ZSWIM4: variants seen among roughly 807,000 people sequenced by gnomAD.
The protein encoded by ZSWIM4 is zinc finger SWIM domain-containing protein 4.
In ZSWIM4, 62 loss-of-function variants were observed where a neutral mutation model predicts 102.5. That is an observed-to-expected ratio of 0.60 (90% CI 0.49 to 0.75). The LOEUF (loss-of-function observed/expected upper bound fraction) is 0.75, where lower values mean the gene tolerates loss of function less well. Ranked by LOEUF, ZSWIM4 falls within the 30% of genes least tolerant of loss-of-function variation. ZSWIM4 has a pLI of 0.00. For synonymous variants in ZSWIM4, 652 were observed against 674.5 expected (o/e 0.97, Z 0.52); for missense variants, 1,280 against 1,529.6 (o/e 0.84, Z 2.72).
chr19:13,812,936 C>T (rs572294368), intron 5 of ZSWIM4, 61 bp from the exon 6 acceptor site: 12 of 1,530,730 alleles, frequency 7.8e-6, no homozygotes, highest in South Asian at 4.9e-5. Context: ...GTGGGCACTG[C>T]GGAAGTGTGT....
chr19:13,798,399 C>G (rs1422322015), intron 1 of ZSWIM4, among the ~76,000 whole-genome samples: 1 of 152,154 alleles, frequency 6.6e-6, no homozygotes, highest in Non-Finnish European at 1.5e-5. Flanking sequence ...GCTGCCGCCT[C>G]AGCCTCCCAA....
chr19:13,819,847 G>GT (rs869187893), intron 10 of ZSWIM4, among the ~76,000 whole-genome samples: 159 of 106,642 alleles, frequency 1.5e-3, no homozygotes, highest in South Asian at 2.1e-3. Context: ...TTTGTTTTTT[G>GT]TTTTTTTTTT....
intron 3 of ZSWIM4, 84 bp from the exon 4 acceptor site, chr19:13,808,752 A>AG: frequency 7.4e-7 from 1 of 1,357,052 alleles, no homozygotes; most frequent in Non-Finnish European, 9.7e-7. Flanking sequence ...AAAAAAAAAA[A>AG]AAAAAAAAAG....
intron 9 of ZSWIM4, among the ~76,000 whole-genome samples, chr19:13,818,811 G>A (rs528720392): frequency 3.6e-4 from 54 of 149,946 alleles, no homozygotes; most frequent in Non-Finnish European, 6.6e-4. Flanking sequence ...TGATCTGCCC[G>A]CCTCGGCCTC....
chr19:13,808,299 T>G (rs1390039624), intron 3 of ZSWIM4, among the ~76,000 whole-genome samples: 1 of 151,724 alleles, frequency 6.6e-6, no homozygotes, highest in African/African-American at 2.4e-5. Flanking sequence ...CTAGTCATGT[T>G]TAGGACAAGA....
rs1205982233 is a variant in ZSWIM4, at chr19:13,808,946, T to C, written c.823T>C (p.Tyr275His). The change falls in exon 4 of 14, where the codon TAC (tyrosine) becomes CAC (histidine). Residue 275 changes from tyrosine to histidine, a missense_variant. Transcript: ENST00000590508. ...GCAGCTACTGTCCAATGGCGGCTACTACGGGGCCAGCCAGCAGCTGCGCTC... is the reference window on the plus strand; with the variant it reads ...GCAGCTACTGTCCAATGGCGGCTACCACGGGGCCAGCCAGCAGCTGCGCTC... The part of the protein sequence containing the change: ...VKQLLSNGGY[Y>H]GASQQLRSMF... 5.0e-6 allele frequency: 8 copies of C among 1,609,644 alleles called. No individual in the cohort carries two copies. Among genetic ancestry groups the C allele is most frequent in the Non-Finnish European group, 6.8e-6 (8 of 1,178,250 alleles).
At chr19:13,808,105 A>C in intron 3 of ZSWIM4, among the ~76,000 whole-genome samples, 1 of 152,062 alleles carries the variant, frequency 6.6e-6, no homozygotes, top group East Asian at 1.9e-4. Context: ...TGAGAACTCT[A>C]TCATGAGACA....
chr19:13,798,558 G>A (rs1974670559), intron 1 of ZSWIM4, among the ~76,000 whole-genome samples: 1 of 152,228 alleles, frequency 6.6e-6, no homozygotes, highest in South Asian at 2.1e-4. Flanking sequence ...GGATCCAGGA[G>A]GGAAACCGCA....
At chr19:13,800,760 A>ATG (rs1568326372) in intron 2 of ZSWIM4, among the ~76,000 whole-genome samples, 50 of 151,898 alleles carry the variant, frequency 3.3e-4, no homozygotes, top group Middle Eastern at 3.4e-3. Flanking sequence ...CCCAGGCAGC[A>ATG]GGGTTTAGAC....
chr19:13,821,656 C>T (rs1159440882), intron 10 of ZSWIM4, among the ~76,000 whole-genome samples: 1 of 152,160 alleles, frequency 6.6e-6, no homozygotes, highest in East Asian at 1.9e-4. Context: ...AAAGGATCCT[C>T]CCACCTAAGC....
intron 11 of ZSWIM4, among the ~76,000 whole-genome samples, chr19:13,824,466 G>A (rs1245338804): frequency 1.3e-5 from 2 of 151,826 alleles, no homozygotes; most frequent in South Asian, 2.1e-4. Context: ...GCACAGTGGT[G>A]CACGCCTGTA....
At position 13,830,346 on chromosome 19, in the gene ZSWIM4, C is replaced by T. The variant is rs774671704; in HGVS notation, c.2617C>T (p.Arg873Cys). The T allele has an allele frequency of 9.3e-6, 15 of 1,613,304 alleles. No individual in the cohort carries two copies. The East Asian group carries it at 3.1e-4, about 34-fold the overall frequency. ...SRREELWACA[R>C]TLALQCAMKD... ...GAGGGAGGAGCTCTGGGCCTGCGCC[C>T]GCACCCTGGCCTTGCAGTGCGCGAT... Residue 873 changes from arginine to cysteine, a missense_variant, in exon 14 of 14, where the codon CGC becomes TGC. Physicochemically the swap from Arg to Cys is radical, Grantham distance 180. Transcript: ENST00000590508.
chr19:13,807,448 G>C (rs962003154), intron 3 of ZSWIM4, among the ~76,000 whole-genome samples: 2 of 152,074 alleles, frequency 1.3e-5, no homozygotes, highest in African/African-American at 4.8e-5. Context: ...TGGGTAAATG[G>C]ATGAGTGGAT....
intron 5 of ZSWIM4, among the ~76,000 whole-genome samples, chr19:13,812,292 T>TTTTTG (rs1324117657): frequency 2.0e-5 from 3 of 151,750 alleles, no homozygotes; most frequent in African/African-American, 7.3e-5. Context: ...TTTGTTTTTG[T>TTTTTG]TTTTGTTTTG....
rs1294824434 is a variant in ZSWIM4, at chr19:13,806,662, C to CA, written c.712+1520dup. On this transcript the variant is annotated intron_variant, in intron 3 of 13. Transcript: ENST00000590508. ...CTGATGACAGACTGAGACCCTGACTCAAAAAACAAAAAAAAAAAAAGAAGG... is the reference window on the plus strand; with the variant it reads ...CTGATGACAGACTGAGACCCTGACTCAAAAAAACAAAAAAAAAAAAAGAAGG... Among the ~76,000 whole-genome samples the CA allele has an allele frequency of 8.5e-3, 1,170 of 138,424 alleles. 13 individuals are homozygous for CA. The highest frequency in any genetic ancestry group is 0.031 in the African/African-American group (1,123 of 36,410). 90.8% of individuals were successfully genotyped at this position (138,424 alleles called of 152,430 possible).
At chr19:13,821,430 A>G (rs925568548) in intron 10 of ZSWIM4, among the ~76,000 whole-genome samples, 6 of 152,100 alleles carry the variant, frequency 3.9e-5, no homozygotes, top group Admixed American at 6.6e-5. Flanking sequence ...GCTACTTGGG[A>G]GGCTGAGGAG....
intron 7 of ZSWIM4, among the ~76,000 whole-genome samples, chr19:13,816,124 G>A (rs905279043): frequency 6.6e-6 from 1 of 151,944 alleles, no homozygotes; most frequent in Non-Finnish European, 1.5e-5. Flanking sequence ...ATATGGGGGT[G>A]GGGGACAGGA....
rs377762289 is a variant in ZSWIM4, at chr19:13,809,313, C to A, written c.1012+93C>A. ...AAGATTAGGGTCTGTTCCCTGAATC[C>A]GCCCTCCATTCGTTTGGCAAACATT... On this transcript the variant is annotated intron_variant, in intron 5 of 13. Coordinates refer to ENST00000590508, the MANE Select transcript of ZSWIM4 (RefSeq NM_001367834.3). This position sits in a 1 kb window ranked among gnomAD's most constrained non-coding sequence, Gnocchi z 4.2. The A allele has an allele frequency of 2.7e-6, 4 of 1,465,742 alleles. No homozygotes were observed. Among genetic ancestry groups the A allele is most frequent in the Non-Finnish European group, 3.6e-6 (4 of 1,108,266 alleles). The allele number at this position is 1,465,742 out of a possible 1,614,324, so 90.8% of individuals were successfully genotyped here. A position where few individuals can be genotyped will look rare whatever the true frequency, so the allele number is the denominator to read the frequency against.
At chr19:13,822,926 C>T (rs2145362923) in intron 10 of ZSWIM4, among the ~76,000 whole-genome samples, 1 of 151,828 alleles carries the variant, frequency 6.6e-6, no homozygotes, top group Admixed American at 6.6e-5. Context: ...TTGCAGTGAG[C>T]CGAGATTGCG....
Sources: allele counts gnomAD v4.1 joint callset (sites outside exome capture counted in the v4.1 genomes callset), GRCh38; gene constraint gnomAD v4.1.1; non-coding constraint Gnocchi (gnomAD v3.1); transcripts MANE v1.5; gene names NCBI Gene and HGNC (gene_info 2026-07-23, HGNC 2026-07-21).